Variants in MAGI3 observed in about 807,000 individuals in gnomAD.
MAGI3 encodes membrane-associated guanylate kinase, WW and PDZ domain-containing protein 3.
In MAGI3, 43 loss-of-function variants were observed where a neutral mutation model predicts 121.8. The ratio of observed to expected loss-of-function variants is 0.35; its 90% CI spans 0.28 to 0.46. The LOEUF (loss-of-function observed/expected upper bound fraction) is 0.46. MAGI3 is among the 20% of genes least tolerant of loss of function. MAGI3 has a pLI of 1.00. For synonymous variants in MAGI3, 553 were observed against 639.3 expected (o/e 0.86, Z 2.04); for missense variants, 1,547 against 1,797.3 (o/e 0.86, Z 2.52).
intron 1 of MAGI3, among the ~76,000 whole-genome samples, chr1:113,471,612 G>C (rs1655541287): frequency 6.6e-6 from 1 of 151,938 alleles, no homozygotes; most frequent in South Asian, 2.1e-4. Context: ...GTATAATATA[G>C]TAGATACATA....
At chr1:113,659,777 G>A (rs1653685129) in intron 16 of MAGI3, among the ~76,000 whole-genome samples, 1 of 152,196 alleles carries the variant, frequency 6.6e-6, no homozygotes, top group African/African-American at 2.4e-5. Flanking sequence ...CATACTGGCA[G>A]CCGTGGAGTC....
rs1649458841 is a variant in MAGI3 at position 113,602,388 on chromosome 1, GA to G, written c.1018+7829del. ...ATTTTTGGGTTAAGAACAAAATCAA[GA>G]TGGAAGTGTTAAAATTATTTGAAAT... is the stretch of plus-strand genomic sequence containing the variant. On this transcript the variant is annotated intron_variant, in intron 6 of 20. Coordinates refer to ENST00000307546, the MANE Select transcript of MAGI3 (RefSeq NM_001142782.2). Among the ~76,000 whole-genome samples, 2 of 152,072 alleles carry G rather than the reference GA, an allele frequency of 1.3e-5. 1 individual carries two copies. Among genetic ancestry groups the G allele is most frequent in the Middle Eastern group, 6.3e-3 (2 of 316 alleles).
At position 113,682,891 on chromosome 1, in the gene MAGI3, T is replaced by C. The variant is rs770274398; in HGVS notation, c.3329-6T>C. 11 of 1,556,248 alleles carry C rather than the reference T, an allele frequency of 7.1e-6. No homozygotes were observed. In the Admixed American group the frequency reaches 8.5e-5, roughly 12 times the overall value. ...TAATAATGTTCCATTCAAATCACTT[T>C]TTTAGGTGATTGGGATATTAATAAT... On this transcript the variant is annotated splice_region_variant and splice_polypyrimidine_tract_variant and intron_variant, in intron 20 of 20. Transcript: ENST00000307546.
chr1:113,550,670 C>T (rs1467859298), intron 2 of MAGI3, among the ~76,000 whole-genome samples: 2 of 148,268 alleles, frequency 1.3e-5, no homozygotes, highest in African/African-American at 5.0e-5. Flanking sequence ...GCAGGAGAAT[C>T]GCTTGAACCT....
intron 1 of MAGI3, among the ~76,000 whole-genome samples, chr1:113,470,618 T>A (rs544776252): frequency 1.3e-5 from 2 of 152,298 alleles, no homozygotes; most frequent in South Asian, 4.1e-4. Context: ...ATGGTCACCA[T>A]GCTGTCCATT....
At chr1:113,475,352 CA>C (rs1441651994) in intron 1 of MAGI3, among the ~76,000 whole-genome samples, 1 of 152,132 alleles carries the variant, frequency 6.6e-6, no homozygotes, top group East Asian at 1.9e-4. Context: ...TTTCCCCATT[CA>C]GTATGATATT....
At chr1:113,485,352 T>C (rs1037970016) in intron 1 of MAGI3, among the ~76,000 whole-genome samples, 5 of 152,238 alleles carry the variant, frequency 3.3e-5, no homozygotes, top group Non-Finnish European at 7.3e-5. Flanking sequence ...ATGGCCATTC[T>C]TTCAGGAATG....
intron 1 of MAGI3, among the ~76,000 whole-genome samples, chr1:113,407,061 T>C (rs1326573526): frequency 6.6e-6 from 1 of 152,150 alleles, no homozygotes; most frequent in Non-Finnish European, 1.5e-5. Context: ...AGGGATCAGA[T>C]TGAAGAAGTA....
intron 11 of MAGI3, among the ~76,000 whole-genome samples, chr1:113,645,953 A>G (rs1183905034): frequency 5.3e-5 from 8 of 152,118 alleles, no homozygotes; most frequent in Admixed American, 1.3e-4. Flanking sequence ...ATTTTCTCTT[A>G]ATATATGTGA....
Position 113,671,605 on chromosome 1 carries a change from T to C in MAGI3, c.2816-129T>C, listed in dbSNP as rs552060304. 80 of 739,910 alleles carry C rather than the reference T, an allele frequency of 1.1e-4. 1 individual carries two copies. In the South Asian group the frequency reaches 1.4e-3, roughly 13 times the overall value. The allele number at this position is 739,910 out of a possible 1,614,324, so 45.8% of individuals were successfully genotyped here. Reference sequence around the variant, plus strand: ...AGTTCCAGACAGCTGACAATAGTGCTGTTCATGCTAAAGCCACTAAAGTCA... The same window carrying C: ...AGTTCCAGACAGCTGACAATAGTGCCGTTCATGCTAAAGCCACTAAAGTCA... On this transcript the variant is annotated intron_variant, in intron 16 of 20. Coordinates refer to ENST00000307546, the MANE Select transcript of MAGI3 (RefSeq NM_001142782.2).
chr1:113,466,576 G>A (rs1013173027), intron 1 of MAGI3, among the ~76,000 whole-genome samples: 10 of 152,000 alleles, frequency 6.6e-5, no homozygotes, highest in African/African-American at 2.2e-4. Context: ...TAAATGGTTG[G>A]TAGAATCATC....
intron 14 of MAGI3, 25 bp from the exon 15 acceptor site, chr1:113,653,805 T>G: frequency 6.4e-6 from 10 of 1,569,046 alleles, no homozygotes; most frequent in Non-Finnish European, 8.6e-6. Flanking sequence ...TCCAGACATA[T>G]CAAAACTGAT....
chr1:113,653,248 A>T (rs575255882), intron 14 of MAGI3, among the ~76,000 whole-genome samples: 8 of 152,316 alleles, frequency 5.3e-5, no homozygotes, highest in African/African-American at 1.9e-4. Context: ...CATTAAAATT[A>T]TTGGTCCATG....
intron 5 of MAGI3, among the ~76,000 whole-genome samples, chr1:113,592,980 C>A (rs557918984): frequency 6.6e-6 from 1 of 152,266 alleles, no homozygotes; most frequent in South Asian, 2.1e-4. Context: ...CCACTGCACT[C>A]CAGCCTCTGT....
intron 1 of MAGI3, among the ~76,000 whole-genome samples, chr1:113,505,177 C>A (rs1657254016): frequency 6.6e-6 from 1 of 152,024 alleles, no homozygotes; most frequent in Admixed American, 6.6e-5. Context: ...GAGAATGGAA[C>A]TCAAAGAGCA....
rs116319055 is a variant in MAGI3 at position 113,598,227 on chromosome 1, C to A, written c.1018+3667C>A. The stretch of plus-strand genomic sequence containing the variant: ...ACTCTGCCTGCCATCCCCCCACCCC[C>A]CCTCCAAAAAAAAACTCACAGGACC... On this transcript the variant is annotated intron_variant, in intron 6 of 20. Transcript: ENST00000307546. 4.1e-3 allele frequency among the ~76,000 whole-genome samples: 622 copies of A among 151,174 alleles called. 4 individuals carry two copies. The highest frequency in any genetic ancestry group is 0.014 in the African/African-American group (571 of 41,242).
chr1:113,638,072 C>T (rs1342058726), intron 9 of MAGI3, among the ~76,000 whole-genome samples: 1 of 152,230 alleles, frequency 6.6e-6, no homozygotes. Flanking sequence ...CCTTGGCTTT[C>T]AGCTCCATCA....
At chr1:113,584,966 C>CGATT (rs61622151) in intron 3 of MAGI3, among the ~76,000 whole-genome samples, 1 of 110,730 alleles carries the variant, frequency 9.0e-6, no homozygotes, top group African/African-American at 3.7e-5. Context: ...GTAGATATTT[C>CGATT]CTTTTTTTTT....
chr1:113,512,567 C>T (rs1185811861), intron 1 of MAGI3, among the ~76,000 whole-genome samples: 4 of 152,140 alleles, frequency 2.6e-5, no homozygotes, highest in Non-Finnish European at 5.9e-5. Context: ...TTCATTCTGT[C>T]TTCTTCAGAG....
Sources: allele counts gnomAD v4.1 joint callset (sites outside exome capture counted in the v4.1 genomes callset), GRCh38; gene constraint gnomAD v4.1.1; transcripts MANE v1.5; gene names NCBI Gene and HGNC (gene_info 2026-07-23, HGNC 2026-07-21).